Variants in MAP4 observed in about 807,000 individuals in gnomAD.
The protein encoded by MAP4 is microtubule associated protein 4.
A neutral mutation model predicts 170.2 loss-of-function variants in MAP4; 76 were observed. That is an observed-to-expected ratio of 0.45 (90% CI 0.37 to 0.54). The LOEUF is 0.54. Ranked by LOEUF, MAP4 falls within the 20% of genes least tolerant of loss-of-function variation. The pLI, the probability that MAP4 is intolerant of heterozygous loss-of-function variation, is 0.00. For missense variants in MAP4, 2,506 were observed against 2,748.0 expected, an observed-to-expected ratio of 0.91 and a Z score of 1.97; for synonymous variants, 909 against 994.5, an observed-to-expected ratio of 0.91 and a Z score of 1.62.
intron 1 of MAP4, among the ~76,000 whole-genome samples, chr3:48,067,257 C>T (rs527556215): frequency 6.6e-6 from 1 of 152,060 alleles, no homozygotes; most frequent in Non-Finnish European, 1.5e-5. Context: ...ACTGAACACT[C>T]TCATTTTACA....
At chr3:47,894,869 T>C (rs565626427) in intron 10 of MAP4, among the ~76,000 whole-genome samples, 2 of 150,792 alleles carry the variant, frequency 1.3e-5, no homozygotes, top group South Asian at 4.2e-4. Context: ...CTACAAAGAG[T>C]ACAAAAATTT....
chr3:47,968,763 CAG>C (rs1053152931), intron 3 of MAP4, among the ~76,000 whole-genome samples: 2 of 151,732 alleles, frequency 1.3e-5, no homozygotes, highest in Non-Finnish European at 2.9e-5. Context: ...ATAAAGGAAA[CAG>C]AGGAGAGAAA....
intron 10 of MAP4, among the ~76,000 whole-genome samples, chr3:47,901,669 AT>A (rs1408901317): frequency 6.6e-6 from 1 of 150,880 alleles, no homozygotes; most frequent in South Asian, 2.1e-4. Context: ...GCAAGACCCT[AT>A]TTAAAAAAAA....
Position 47,853,184 on chromosome 3 carries a change from C to A in MAP4, c.6865G>T (p.Asp2289Tyr). The change falls in exon 20 of 21, where the codon GAC (aspartate) becomes TAC (tyrosine). Residue 2289 changes from aspartate (D) to tyrosine (Y), a missense_variant. Physicochemically the swap from Asp to Tyr is radical, Grantham distance 160. This residue lies in a region of MAP4 where 487 missense variants were observed against 511.6 expected (regional missense o/e 0.95). Transcript: ENST00000683076. ...GGDQREAQTL[D>Y]SQIQETN The stretch of plus-strand genomic sequence containing the variant: ...TTACTTGTCTCCTGGATCTGGCTGT[C>A]CAAGGTCTGGGCCTCCCTTTGGTCA... The A allele has an allele frequency of 6.3e-7, 1 of 1,587,762 alleles. No individual in the cohort carries two copies. The highest frequency in any genetic ancestry group is 8.6e-7 in the Non-Finnish European group (1 of 1,165,954).
At chr3:47,963,717 A>G (rs2100073069) in intron 3 of MAP4, among the ~76,000 whole-genome samples, 1 of 152,226 alleles carries the variant, frequency 6.6e-6, no homozygotes, top group African/African-American at 2.4e-5. Flanking sequence ...GCAGTGACCA[A>G]AACAAAAGCC....
chr3:48,038,042 T>C (rs749871894), intron 1 of MAP4, among the ~76,000 whole-genome samples: 2 of 151,656 alleles, frequency 1.3e-5, no homozygotes, highest in Non-Finnish European at 2.9e-5. Context: ...GTGGCAGGCG[T>C]CTATAATCCC....
At chr3:48,071,201 A>G (rs2100140846) in intron 1 of MAP4, among the ~76,000 whole-genome samples, 1 of 152,092 alleles carries the variant, frequency 6.6e-6, no homozygotes, top group South Asian at 2.1e-4. Flanking sequence ...TCTGTAACTT[A>G]GTGAATAAGA....
Position 47,977,951 on chromosome 3 carries a change from A to C in MAP4, c.224-18T>G. On this transcript the variant is annotated intron_variant, in intron 2 of 20. Coordinates refer to ENST00000683076, the MANE Select transcript of MAP4 (RefSeq NM_001385682.1). ...TGGAGTATCTGCAACAATGACAAAT[A>C]ATTACCCATTGTGACAGACAGAAAA... The C allele has an allele frequency of 6.4e-7, 1 of 1,557,754 alleles. No homozygotes were observed. Among genetic ancestry groups the C allele is most frequent in the Non-Finnish European group, 8.9e-7 (1 of 1,129,190 alleles).
intron 1 of MAP4, among the ~76,000 whole-genome samples, chr3:48,056,717 GCCTCTGCCCGGCCGCC>G (rs1247484061): frequency 1.7e-4 from 16 of 93,894 alleles, no homozygotes; most frequent in African/African-American, 7.4e-4. Flanking sequence ...GGTGAGGGGC[GCCTCTGCCCGGCCGCC>G]CCTACTGGGA....
intron 5 of MAP4, among the ~76,000 whole-genome samples, chr3:47,919,211 G>T (rs1559464991): frequency 6.6e-6 from 1 of 152,084 alleles, no homozygotes; most frequent in African/African-American, 2.4e-5. Context: ...GATTACAGGC[G>T]TGAACCACCG....
rs769017379 is a variant in MAP4, at chr3:47,871,022, C to G, written c.6085G>C (p.Val2029Leu). 1.2e-6 allele frequency: 2 copies of G among 1,614,064 alleles called. No individual in the cohort carries two copies. Among genetic ancestry groups the G allele is most frequent in the South Asian group, 1.1e-5 (1 of 91,072 alleles). ...GTGGCCTTGACTCGGCTGGGAACCACCCCTGCAGCGGGGGCTGTCCCACTG... is the reference window on the plus strand; with the variant it reads ...GTGGCCTTGACTCGGCTGGGAACCAGCCCTGCAGCGGGGGCTGTCCCACTG... Reference protein sequence around the residue: ...TLSGTAPAAGVVPSRVKATPM... With the variant: ...TLSGTAPAAGLVPSRVKATPM... Residue 2029 changes from valine to leucine, a missense_variant, in exon 15 of 21, where the codon GTG (valine) becomes CTG (leucine). By Grantham distance (32) the Val-to-Leu change is conservative. Transcript: ENST00000683076.
Position 47,867,273 on chromosome 3 carries a change from A to G in MAP4, c.6474T>C (p.Asn2158=), listed in dbSNP as rs368737973. The change falls in exon 17 of 21, where the codon AAT becomes AAC. Residue 2158 remains asparagine (N), a synonymous_variant. Coordinates refer to ENST00000683076, the MANE Select transcript of MAP4 (RefSeq NM_001385682.1). ...HIQSKCGSKD[N]IKHVPGGGNV... ...TACCACCTCCAGGGACATGCTTAAT[A>G]TTGTCCTTGGAACCACACTTGGACT... The G allele has an allele frequency of 1.9e-6, 3 of 1,613,016 alleles. No individual in the cohort carries two copies. The highest frequency in any genetic ancestry group is 2.7e-5 in the African/African-American group (2 of 74,870).
chr3:47,921,754 A>G lies in MAP4; in HGVS notation c.529+11T>C. 1 of 1,525,720 alleles carries G rather than the reference A, an allele frequency of 6.6e-7. No homozygotes were observed. The highest frequency in any genetic ancestry group is 9.1e-7 in the Non-Finnish European group (1 of 1,100,004). The allele number at this position is 1,525,720 out of a possible 1,614,324, so 94.5% of individuals were successfully genotyped here. On this transcript the variant is annotated intron_variant, in intron 5 of 20. Transcript: ENST00000683076. ...TTCCCTACAGAATAAATCCATTTGA[A>G]GAAGCCATACCGTAACTGTCTTTCA...
chr3:48,060,285 C>T (rs893486901), intron 1 of MAP4, among the ~76,000 whole-genome samples: 1 of 151,910 alleles, frequency 6.6e-6, no homozygotes, highest in African/African-American at 2.4e-5. Context: ...TCATGAACTG[C>T]TACAGAATAA....
chr3:47,954,046 A>C lies in MAP4; in HGVS notation c.292+23819T>G, dbSNP rs571056944. Among the ~76,000 whole-genome samples the C allele has an allele frequency of 3.2e-4, 48 of 152,104 alleles. No homozygotes were observed. In the Middle Eastern group the frequency reaches 0.01, roughly 32 times the overall value. Reference sequence around the variant, plus strand: ...CAAAAAAAAAAACAAACAACAACAAAAAAAGAAATGCATTAGTGAGGGGAT... The same window carrying C: ...CAAAAAAAAAAACAAACAACAACAACAAAAGAAATGCATTAGTGAGGGGAT... On this transcript the variant is annotated intron_variant, in intron 3 of 20. Coordinates refer to ENST00000683076, the MANE Select transcript of MAP4 (RefSeq NM_001385682.1).
At chr3:47,937,842 A>G (rs1283987042) in intron 3 of MAP4, among the ~76,000 whole-genome samples, 4 of 150,378 alleles carry the variant, frequency 2.7e-5, no homozygotes, top group African/African-American at 7.3e-5. Flanking sequence ...TTGTATTTTT[A>G]GTAGAGACGA....
At chr3:48,056,907 GGCCA>G (rs2100132261) in intron 1 of MAP4, among the ~76,000 whole-genome samples, 1 of 134,436 alleles carries the variant, frequency 7.4e-6, no homozygotes, top group African/African-American at 2.8e-5. Context: ...GCCTCTGCCC[GGCCA>G]GCCGCCCCGT....
chr3:48,030,030 CAT>C (rs929576511), intron 1 of MAP4, among the ~76,000 whole-genome samples: 9 of 146,874 alleles, frequency 6.1e-5, no homozygotes, highest in Non-Finnish European at 1.2e-4. Context: ...ATTATATATT[CAT>C]ATGTAATATT....
At chr3:47,928,891 A>G (rs1379651695) in intron 3 of MAP4, among the ~76,000 whole-genome samples, 1 of 152,200 alleles carries the variant, frequency 6.6e-6, no homozygotes, top group Non-Finnish European at 1.5e-5. Flanking sequence ...GAAAGATTCA[A>G]TACTGTTAAG....
Sources: allele counts gnomAD v4.1 joint callset (sites outside exome capture counted in the v4.1 genomes callset), GRCh38; gene constraint gnomAD v4.1.1; regional missense constraint gnomAD v4.1.1; transcripts MANE v1.5; gene names NCBI Gene and HGNC (gene_info 2026-07-23, HGNC 2026-07-21).